TSPEAR: variants seen among roughly 807,000 people sequenced by gnomAD.
The protein encoded by TSPEAR is thrombospondin type laminin G domain and EAR repeats.
Under a neutral mutation model 71.6 loss-of-function variants are expected in TSPEAR, and 69 were observed. That is an observed-to-expected ratio of 0.96 (90% CI 0.79 to 1.18). TSPEAR has a LOEUF of 1.18. Ranked by LOEUF, TSPEAR falls within the 50% of genes most tolerant of loss-of-function variation. TSPEAR has a pLI of 0.00. For missense variants in TSPEAR, 971 were observed against 894.9 expected (o/e 1.09, Z -1.09); for synonymous variants, 402 against 387.2 (o/e 1.04, Z -0.45).
intron 1 of TSPEAR, among the ~76,000 whole-genome samples, chr21:44,633,190 C>A (rs1204845539): frequency 1.3e-5 from 2 of 151,996 alleles, no homozygotes; most frequent in Non-Finnish European, 2.9e-5. Context: ...TTCGTTGGTT[C>A]CATTGTTTTT....
At chr21:44,630,402 A>G (rs1983186957) in intron 1 of TSPEAR, among the ~76,000 whole-genome samples, 1 of 152,208 alleles carries the variant, frequency 6.6e-6, no homozygotes, top group Non-Finnish European at 1.5e-5. Context: ...TGGACAAAGG[A>G]TATCAGTTGA....
At chr21:44,505,487 G>A (rs938197436) in intron 10 of TSPEAR, among the ~76,000 whole-genome samples, 1 of 135,546 alleles carries the variant, frequency 7.4e-6, no homozygotes, top group Admixed American at 9.1e-5. Flanking sequence ...CTGTGTGGCC[G>A]CCCCCACCAT....
intron 1 of TSPEAR, among the ~76,000 whole-genome samples, chr21:44,619,405 T>C (rs1286983008): frequency 1.3e-5 from 2 of 152,194 alleles, no homozygotes; most frequent in African/African-American, 2.4e-5. Context: ...AAATATCCCT[T>C]TGTAATTGTC....
chr21:44,625,640 G>C (rs370823819), intron 1 of TSPEAR, among the ~76,000 whole-genome samples: 1 of 152,226 alleles, frequency 6.6e-6, no homozygotes, highest in African/African-American at 2.4e-5. Context: ...GGAAGGCCGC[G>C]GGGAGCGGCA....
At chr21:44,631,619 G>A (rs1310193194) in intron 1 of TSPEAR, among the ~76,000 whole-genome samples, 7 of 152,112 alleles carry the variant, frequency 4.6e-5, no homozygotes, top group South Asian at 2.1e-4. Flanking sequence ...TCAGCTACTC[G>A]GGAGCCTGAG....
chr21:44,587,097 CTG>C (rs1979388914), intron 1 of TSPEAR, among the ~76,000 whole-genome samples: 1 of 152,218 alleles, frequency 6.6e-6, no homozygotes, highest in South Asian at 2.1e-4. Flanking sequence ...GGAAGTCAAA[CTG>C]TCGCTGTTTG....
At chr21:44,541,734 G>A (rs1458323290) in intron 2 of TSPEAR, among the ~76,000 whole-genome samples, 3 of 152,240 alleles carry the variant, frequency 2.0e-5, no homozygotes, top group African/African-American at 7.2e-5. Flanking sequence ...AATGCTGAAT[G>A]TAAGTGAAGG....
At chr21:44,589,848 A>G (rs1038013698) in intron 1 of TSPEAR, among the ~76,000 whole-genome samples, 29 of 152,288 alleles carry the variant, frequency 1.9e-4, no homozygotes, top group Middle Eastern at 3.4e-3. Flanking sequence ...TCAGACACGC[A>G]TGTGTGGGGA....
chr21:44,603,231 G>A (rs1450093584), intron 1 of TSPEAR, among the ~76,000 whole-genome samples: 1 of 152,096 alleles, frequency 6.6e-6, no homozygotes, highest in East Asian at 1.9e-4. Flanking sequence ...GCCCCCACAT[G>A]TCCCACCTGG....
In TSPEAR at chr21:44,614,219, C is replaced by G. The variant is rs977680721; in HGVS notation, c.83-46214G>C. Among the ~76,000 whole-genome samples, 15 of 152,242 alleles carry G rather than the reference C, an allele frequency of 9.9e-5. 1 individual carries two copies. Among genetic ancestry groups the G allele is most frequent in the Non-Finnish European group, 1.6e-4 (11 of 68,032 alleles). ...CTGTGACGCCAGCGTCACTCTCCCC[C>G]TCTACACCCATTCAAGCACAGCACA... is the stretch of plus-strand genomic sequence containing the variant. On this transcript the variant is annotated intron_variant, in intron 1 of 11. Transcript: ENST00000323084.
chr21:44,500,637 T>C (rs151111843), intron 11 of TSPEAR, among the ~76,000 whole-genome samples: 198 of 152,286 alleles, frequency 1.3e-3, no homozygotes, highest in African/African-American at 4.3e-3. Context: ...CCCCCTGGGA[T>C]CCCCCAACCC....
intron 1 of TSPEAR, among the ~76,000 whole-genome samples, chr21:44,605,910 G>A (rs1403041804): frequency 2.6e-5 from 4 of 151,946 alleles, no homozygotes; most frequent in African/African-American, 9.7e-5. Context: ...CCTTGAATAG[G>A]ACCCCAAAAG....
At chr21:44,708,364 G>A (rs1362042237) in intron 1 of TSPEAR, among the ~76,000 whole-genome samples, 1 of 152,128 alleles carries the variant, frequency 6.6e-6, no homozygotes, top group East Asian at 1.9e-4. Flanking sequence ...CCTTCCAGGA[G>A]CGGACTTGGA....
intron 1 of TSPEAR, among the ~76,000 whole-genome samples, chr21:44,613,902 G>A (rs116093253): frequency 0.018 from 2,736 of 152,202 alleles, 75 homozygotes; most frequent in African/African-American, 0.053. Context: ...CCCAGGCCAG[G>A]CCTGGCCAGG....
Position 44,525,710 on chromosome 21 carries a change from A to G in TSPEAR, c.1279T>C (p.Trp427Arg). Residue 427 changes from tryptophan to arginine, a missense_variant, in exon 8 of 12, where the codon TGG becomes CGG. Coordinates refer to ENST00000323084, the MANE Select transcript of TSPEAR (RefSeq NM_144991.3). Reference sequence around the variant, plus strand: ...TCCCCATCCACCTCGAAGGCCTCCCAGTCTCGGGCGCTGTGTGTGGCAATG... The same window carrying G: ...TCCCCATCCACCTCGAAGGCCTCCCGGTCTCGGGCGCTGTGTGTGGCAATG... ...QSIATHSARDWEAFEVDGEHF... is the reference protein window; with the variant it reads ...QSIATHSARDREAFEVDGEHF... 6.2e-7 allele frequency: 1 copy of G among 1,614,152 alleles called. No individual in the cohort carries two copies. Among genetic ancestry groups the G allele is most frequent in the Non-Finnish European group, 8.5e-7 (1 of 1,180,024 alleles).
chr21:44,642,647 T>C lies in TSPEAR; in HGVS notation c.82+68786A>G, dbSNP rs1446442507. On this transcript the variant is annotated intron_variant, in intron 1 of 11. Transcript: ENST00000323084. The surrounding 1 kb of genome is among the most constrained non-coding windows in gnomAD (Gnocchi z 4.1). ...TCACGAGGTCAGGAGATCGAGACCATCCTGGCTAACACGGTGAAACCCCGT... is the reference window on the plus strand; with the variant it reads ...TCACGAGGTCAGGAGATCGAGACCACCCTGGCTAACACGGTGAAACCCCGT... 1.3e-5 allele frequency among the ~76,000 whole-genome samples: 2 copies of C among 152,022 alleles called. No individual in the cohort carries two copies. Among genetic ancestry groups the C allele is most frequent in the Admixed American group, 6.5e-5 (1 of 15,268 alleles).
intron 1 of TSPEAR, among the ~76,000 whole-genome samples, chr21:44,655,819 T>C (rs587739401): frequency 9.8e-5 from 15 of 152,318 alleles, no homozygotes; most frequent in South Asian, 2.1e-4. Flanking sequence ...AGAGCTACTC[T>C]GTCCATCCCA....
chr21:44,557,833 A>C, intron 2 of TSPEAR: 1 of 613,096 alleles, frequency 1.6e-6, no homozygotes, highest in South Asian at 2.2e-5. Flanking sequence ...CTGATCACTC[A>C]CATGGGGCAG....
chr21:44,549,292 G>A (rs1003904727), intron 2 of TSPEAR, among the ~76,000 whole-genome samples: 1 of 152,146 alleles, frequency 6.6e-6, no homozygotes, highest in East Asian at 1.9e-4. Context: ...GACATGGGGA[G>A]GGGTACTGGG....
Sources: gnomAD v4.1 joint callset for allele counts (sites outside exome capture counted in the v4.1 genomes callset) on GRCh38, gnomAD v4.1.1 for gene constraint, Gnocchi (gnomAD v3.1) non-coding constraint, MANE v1.5 for transcripts, NCBI Gene and HGNC (gene_info 2026-07-23, HGNC 2026-07-21) for gene names.